NRG2: variants seen among roughly 807,000 people sequenced by gnomAD.
The protein encoded by NRG2 is neuregulin 2.
Under a neutral mutation model 73.9 loss-of-function variants are expected in NRG2, and 27 were observed. The ratio of observed to expected loss-of-function variants is 0.37; its 90% CI spans 0.27 to 0.50. The LOEUF (loss-of-function observed/expected upper bound fraction) is 0.50, where lower values mean the gene tolerates loss of function less well. Ranked by LOEUF, NRG2 falls within the 20% of genes least tolerant of loss-of-function variation. The probability of loss-of-function intolerance (pLI) is 0.96; values close to 1 mark genes in which losing one functional copy is unlikely to be tolerated. For missense variants in NRG2, 1,126 were observed against 1,210.1 expected (o/e 0.93, Z 1.03); for synonymous variants, 532 against 541.0 (o/e 0.98, Z 0.23).
chr5:139,913,302 G>T (rs1750993929), intron 1 of NRG2, among the ~76,000 whole-genome samples: 1 of 152,324 alleles, frequency 6.6e-6, no homozygotes, highest in South Asian at 2.1e-4. Context: ...AGTCACTGAG[G>T]CTTCTGATGA....
In NRG2 at chr5:139,852,637, T is replaced by C; in HGVS notation, c.1417-78A>G. 1.3e-6 allele frequency: 2 copies of C among 1,570,444 alleles called. No individual in the cohort carries two copies. Among genetic ancestry groups the C allele is most frequent in the Non-Finnish European group, 8.7e-7 (1 of 1,155,926 alleles). On this transcript the variant is annotated intron_variant, in intron 7 of 9. Transcript: ENST00000361474. This position sits in a 1 kb window ranked among gnomAD's most constrained non-coding sequence, Gnocchi z 4.4. ...TTTCTTGTTGGGGACAGGGAAGTGA[T>C]GAGCACTGACTGAGCTCCTGGTTGG...
At chr5:139,929,697 T>G (rs753910840) in intron 1 of NRG2, among the ~76,000 whole-genome samples, 1 of 152,176 alleles carries the variant, frequency 6.6e-6, no homozygotes, top group African/African-American at 2.4e-5. Flanking sequence ...TCAAATGTTT[T>G]TAACCACAGG....
chr5:139,963,180 G>A (rs1461505784), intron 1 of NRG2, among the ~76,000 whole-genome samples: 1 of 152,316 alleles, frequency 6.6e-6, no homozygotes, highest in East Asian at 1.9e-4. Context: ...CCTCCATAAA[G>A]CAGATCTCAA....
At chr5:139,939,262 T>C (rs371428901) in intron 1 of NRG2, among the ~76,000 whole-genome samples, 1,857 of 143,288 alleles carry the variant, frequency 0.013, 38 homozygotes, top group African/African-American at 0.045. Context: ...CTTTCTTTCT[T>C]TTTCTTTCTT....
intron 1 of NRG2, among the ~76,000 whole-genome samples, chr5:140,035,223 C>A (rs1761422501): frequency 6.6e-6 from 1 of 152,162 alleles, no homozygotes; most frequent in South Asian, 2.1e-4. Context: ...ATCTCTATCC[C>A]CAAACTACTC....
chr5:139,865,123 T>C lies in NRG2; in HGVS notation c.1189+426A>G, dbSNP rs776886747. 1.2e-5 allele frequency: 19 copies of C among 1,613,060 alleles called. No individual in the cohort carries two copies. ...AGAAGAAAGAGACATACTGGAGAAG[T>C]TGACCATTGCGAACTGCTGACACCT... On this transcript the variant is annotated intron_variant, in intron 5 of 9. Transcript: ENST00000361474. This position sits in a 1 kb window ranked among gnomAD's most constrained non-coding sequence, Gnocchi z 5.2.
intron 2 of NRG2, among the ~76,000 whole-genome samples, chr5:139,882,003 TG>T (rs1273690642): frequency 6.6e-6 from 1 of 152,162 alleles, no homozygotes; most frequent in Non-Finnish European, 1.5e-5. Context: ...GGATAAAGCC[TG>T]GGATCCCAGG....
rs114437151 is a variant in NRG2 at position 140,008,090 on chromosome 5, G to T, written c.700+34280C>A. 6.6e-6 allele frequency among the ~76,000 whole-genome samples: 1 copy of T among 152,208 alleles called. No homozygotes were observed. The highest frequency in any genetic ancestry group is 1.5e-5 in the Non-Finnish European group (1 of 68,030). ...GTCATTTCACATGAGAACAGATGTG[G>T]GGAGCACCACACAGGAATGTGTTCC... On this transcript the variant is annotated intron_variant, in intron 1 of 9. Transcript: ENST00000361474. The surrounding 1 kb of genome is among the most constrained non-coding windows in gnomAD (Gnocchi z 4.2).
chr5:139,919,594 G>A (rs765520695), intron 1 of NRG2, among the ~76,000 whole-genome samples: 2 of 152,136 alleles, frequency 1.3e-5, no homozygotes, highest in Non-Finnish European at 2.9e-5. Flanking sequence ...AAAGATAGTA[G>A]AGGATACAGC....
At chr5:139,873,963 C>A (rs1472151643) in intron 3 of NRG2, among the ~76,000 whole-genome samples, 3 of 152,200 alleles carry the variant, frequency 2.0e-5, no homozygotes, top group Non-Finnish European at 4.4e-5. Context: ...GAGGCTGGGA[C>A]CCCGGGAAGG....
chr5:139,930,704 C>T (rs868322523), intron 1 of NRG2, among the ~76,000 whole-genome samples: 1 of 152,166 alleles, frequency 6.6e-6, no homozygotes, highest in Non-Finnish European at 1.5e-5. Context: ...CACCAGCCAC[C>T]AGGAGAAAAC....
intron 2 of NRG2, among the ~76,000 whole-genome samples, chr5:139,882,810 G>A (rs970891840): frequency 2.0e-5 from 3 of 152,110 alleles, no homozygotes; most frequent in Admixed American, 6.5e-5. Context: ...GTAGCAGGAC[G>A]TGGCAGAATG....
chr5:139,908,716 C>T (rs1240145650), intron 1 of NRG2, among the ~76,000 whole-genome samples: 2 of 152,138 alleles, frequency 1.3e-5, no homozygotes, highest in Non-Finnish European at 2.9e-5. Flanking sequence ...TAGAGAAAGC[C>T]CTCACCCCTC....
chr5:139,849,527 G>T (rs1056298425), intron 9 of NRG2, among the ~76,000 whole-genome samples: 1 of 152,046 alleles, frequency 6.6e-6, no homozygotes, highest in Non-Finnish European at 1.5e-5. Flanking sequence ...GCTGGATCCC[G>T]GGTACCTGTC....
intron 3 of NRG2, among the ~76,000 whole-genome samples, chr5:139,875,916 G>A (rs1301311769): frequency 6.6e-6 from 1 of 152,216 alleles, no homozygotes; most frequent in Non-Finnish European, 1.5e-5. Context: ...TAGCTGCTTT[G>A]GAAAGCAGTC....
intron 1 of NRG2, among the ~76,000 whole-genome samples, chr5:139,986,106 G>A (rs536599211): frequency 2.6e-5 from 4 of 152,184 alleles, no homozygotes; most frequent in African/African-American, 4.8e-5. Context: ...CTGGAGCTTC[G>A]TCACTCCAAG....
At chr5:139,875,248 T>A (rs1489877115) in intron 3 of NRG2, among the ~76,000 whole-genome samples, 2 of 152,160 alleles carry the variant, frequency 1.3e-5, no homozygotes, top group African/African-American at 4.8e-5. Context: ...CCTGACCTCA[T>A]GATCTGCCTG....
chr5:140,025,112 C>A (rs776941240), intron 1 of NRG2, among the ~76,000 whole-genome samples: 5 of 152,284 alleles, frequency 3.3e-5, no homozygotes, highest in Non-Finnish European at 4.4e-5. Context: ...ACGAAAAAAA[C>A]CCCTGACAAG....
intron 1 of NRG2, among the ~76,000 whole-genome samples, chr5:139,989,849 C>T (rs1052520239): frequency 4.6e-5 from 7 of 150,970 alleles, no homozygotes; most frequent in Non-Finnish European, 1.0e-4. Context: ...ACTGCAGTGG[C>T]GTGATCTCGG....
Sources: gnomAD v4.1 joint callset for allele counts (sites outside exome capture counted in the v4.1 genomes callset) on GRCh38, gnomAD v4.1.1 for gene constraint, Gnocchi (gnomAD v3.1) non-coding constraint, MANE v1.5 for transcripts, NCBI Gene and HGNC (gene_info 2026-07-23, HGNC 2026-07-21) for gene names.